IFT56: variants seen among roughly 807,000 people sequenced by gnomAD.
The protein encoded by IFT56 is intraflagellar transport 56.
the IFT56 span, among the ~76,000 whole-genome samples, chr7:139,157,465 A>G: frequency 8.2e-6 from 1 of 121,578 alleles, no homozygotes; most frequent in East Asian, 2.4e-4. Flanking sequence ...AAGTTCTTTT[A>G]GTCAGGTTTT....
At chr7:139,171,034 T>G in the IFT56 span, among the ~76,000 whole-genome samples, 39,433 of 152,070 alleles carry the variant, frequency 0.26, 9,400 homozygotes, top group African/African-American at 0.61. Context: ...ACAAAAATCG[T>G]TGGCATTTCT....
chr7:139,157,316 T>G, the IFT56 span, among the ~76,000 whole-genome samples: 1 of 151,318 alleles, frequency 6.6e-6, no homozygotes, highest in Non-Finnish European at 1.5e-5. Context: ...CCTGCTAATC[T>G]TTGGATTTTT....
the IFT56 span, chr7:139,166,814 A>G: frequency 2.1e-6 from 3 of 1,401,378 alleles, no homozygotes; most frequent in South Asian, 1.2e-5. Flanking sequence ...AATACAGACT[A>G]GTATAATTAC....
the IFT56 span, among the ~76,000 whole-genome samples, chr7:139,149,099 A>G: frequency 6.6e-6 from 1 of 151,822 alleles, no homozygotes; most frequent in Non-Finnish European, 1.5e-5. Context: ...AGGTCAGGAG[A>G]TCGAGACCAT....
At chr7:139,137,750 T>C in the IFT56 span, 1 of 821,146 alleles carries the variant, frequency 1.2e-6, no homozygotes, top group East Asian at 2.7e-5. Context: ...AATACTTAGA[T>C]TGCCTGTTGT....
At chr7:139,188,609 G>T in the IFT56 span, among the ~76,000 whole-genome samples, 3 of 152,192 alleles carry the variant, frequency 2.0e-5, no homozygotes, top group Non-Finnish European at 2.9e-5. Context: ...GAGGTTGTTT[G>T]TGGGGAAAAA....
chr7:139,147,250 G>A, the IFT56 span: 2 of 1,613,460 alleles, frequency 1.2e-6, no homozygotes, highest in Non-Finnish European at 1.7e-6. Flanking sequence ...TCACTACCAA[G>A]AAGCTATAGA....
the IFT56 span, among the ~76,000 whole-genome samples, chr7:139,183,675 TAAA>T: frequency 2.9e-5 from 4 of 138,194 alleles, no homozygotes; most frequent in Middle Eastern, 3.6e-3. Context: ...AATAAAAGGA[TAAA>T]AAAAAAAAAC....
At chr7:139,148,686 A>AG in the IFT56 span, among the ~76,000 whole-genome samples, 6 of 152,156 alleles carry the variant, frequency 3.9e-5, no homozygotes, top group African/African-American at 1.4e-4. Flanking sequence ...GCACTTTGGG[A>AG]GGCCAAGGCG....
At chr7:139,175,192 G>A in the IFT56 span, among the ~76,000 whole-genome samples, 1 of 152,218 alleles carries the variant, frequency 6.6e-6, no homozygotes, top group East Asian at 1.9e-4. Context: ...AGTGAATGCT[G>A]GAGAGGATGT....
the IFT56 span, among the ~76,000 whole-genome samples, chr7:139,183,865 C>G: frequency 6.6e-6 from 1 of 151,992 alleles, no homozygotes. Context: ...TTGTAATAGC[C>G]TAAAACTGGA....
the IFT56 span, chr7:139,133,986 T>G: frequency 8.4e-7 from 1 of 1,184,676 alleles, no homozygotes; most frequent in Non-Finnish European, 1.3e-6. Context: ...GCTCTCCCTG[T>G]GTTCCCACGG....
the IFT56 span, among the ~76,000 whole-genome samples, chr7:139,146,765 T>G: frequency 1.4e-5 from 1 of 70,592 alleles, no homozygotes; most frequent in Non-Finnish European, 2.1e-5. Flanking sequence ...AGACTCCGTT[T>G]CAAAAAAAAA....
At chr7:139,160,756 A>C in the IFT56 span, among the ~76,000 whole-genome samples, 4 of 152,174 alleles carry the variant, frequency 2.6e-5, no homozygotes, top group Non-Finnish European at 5.9e-5. Flanking sequence ...AACTTTTATA[A>C]GCCTCATTGT....
chr7:139,181,253 A>G, the IFT56 span: 1 of 1,338,204 alleles, frequency 7.5e-7, no homozygotes, highest in African/African-American at 1.5e-5. Context: ...ACATTGCTGC[A>G]TTGGCTAAAT....
the IFT56 span, among the ~76,000 whole-genome samples, chr7:139,183,096 A>T: frequency 1.3e-5 from 2 of 152,166 alleles, no homozygotes; most frequent in Non-Finnish European, 2.9e-5. Flanking sequence ...AGGGGAGTAT[A>T]TCTGTAGGCA....
chr7:139,174,277 C>T, the IFT56 span: 49 of 572,008 alleles, frequency 8.6e-5, no homozygotes, highest in African/African-American at 8.3e-4. Flanking sequence ...CTGGGTCTGA[C>T]GGCAGGGCGT....
the IFT56 span, chr7:139,174,011 A>C: frequency 0.15 from 92,181 of 617,082 alleles, 13,369 homozygotes; most frequent in African/African-American, 0.43. Flanking sequence ...CATCTTTTTC[A>C]TCAATGAGGA....
the IFT56 span, among the ~76,000 whole-genome samples, chr7:139,153,433 C>T: frequency 2.7e-4 from 39 of 146,134 alleles, no homozygotes; most frequent in African/African-American, 8.8e-4. Flanking sequence ...CCTGGGTGAC[C>T]GATACTCCGT....
Sources: gnomAD v4.1 joint callset for allele counts (sites outside exome capture counted in the v4.1 genomes callset) on GRCh38, gnomAD v4.1.1 for gene constraint, MANE v1.5 for transcripts, NCBI Gene and HGNC (gene_info 2026-07-23, HGNC 2026-07-21) for gene names.